Variants in IQANK1 observed in about 807,000 individuals in gnomAD.
IQANK1 encodes the protein IQ motif and ankyrin repeat domain-containing protein 1.
A neutral mutation model predicts 22.6 loss-of-function variants in IQANK1; 30 were observed. The ratio of observed to expected loss-of-function variants is 1.33; its 90% CI spans 0.99 to 1.80. The LOEUF is 1.80. Among genes scored for constraint, IQANK1 ranks in the 40% most tolerant of loss-of-function variants. IQANK1 has a pLI of 0.00. For missense variants in IQANK1, 275 were observed against 235.2 expected (o/e 1.17, Z -1.11); for synonymous variants, 122 against 99.6 (o/e 1.23, Z -1.34).
intron 7 of IQANK1, among the ~76,000 whole-genome samples, chr8:143,775,818 ACAC>A: frequency 6.8e-6 from 1 of 147,888 alleles, no homozygotes; most frequent in Non-Finnish European, 1.5e-5. Flanking sequence ...ACACACACAC[ACAC>A]ACCATTCCTA....
At position 143,751,664 on chromosome 8, in the gene IQANK1, G is replaced by GTGTGTATATATATATATATATATATA. The variant is rs370428606; in HGVS notation, c.175+11717_175+11718insGTGTATATATATATATATATATATAT. On this transcript the variant is annotated intron_variant, in intron 3 of 13. Coordinates refer to ENST00000527139, the MANE Select transcript of IQANK1 (RefSeq NM_001381874.1). ...TGTGTGTGTGTGTGTGTGTGTGTGT[G>GTGTGTATATATATATATATATATATA]TATATATATATATAAAATCCTATAC... Among the ~76,000 whole-genome samples, 34 of 61,544 alleles carry GTGTGTATATATATATATATATATATA rather than the reference G, an allele frequency of 5.5e-4. 2 individuals carry two copies. The highest frequency in any genetic ancestry group is 2.6e-3 in the East Asian group (7 of 2,650). 40.4% of individuals were successfully genotyped at this position (61,544 alleles called of 152,430 possible).
intron 10 of IQANK1, 115 bp downstream of exon 10, chr8:143,789,643 G>C: frequency 8.2e-7 from 1 of 1,214,432 alleles, no homozygotes; most frequent in Non-Finnish European, 1.0e-6. Flanking sequence ...TCAAACATGG[G>C]GAGTCACCAG....
chr8:143,775,818 ACACAC>A (rs147721439), intron 7 of IQANK1, among the ~76,000 whole-genome samples: 2,691 of 147,872 alleles, frequency 0.018, 69 homozygotes, highest in African/African-American at 0.067. Flanking sequence ...ACACACACAC[ACACAC>A]CATTCCTAAA....
intron 3 of IQANK1, among the ~76,000 whole-genome samples, chr8:143,748,667 A>AATATATAAATATATATCATATATATC: frequency 1.0e-5 from 1 of 97,460 alleles, no homozygotes; most frequent in Non-Finnish European, 1.6e-5. Flanking sequence ...ATCATATATA[A>AATATATAAATATATATCATATATATC]ATATATAAAT....
intron 3 of IQANK1, among the ~76,000 whole-genome samples, chr8:143,740,736 C>T (rs1041640493): frequency 1.3e-5 from 2 of 152,312 alleles, no homozygotes; most frequent in South Asian, 2.1e-4. Context: ...CTGTCCTCCC[C>T]AGCCCAGGCC....
chr8:143,777,188 ACATT>A (rs1819703520), intron 7 of IQANK1, among the ~76,000 whole-genome samples: 1 of 152,000 alleles, frequency 6.6e-6, no homozygotes, highest in Non-Finnish European at 1.5e-5. Context: ...ATATGCACAT[ACATT>A]ATCATATATA....
chr8:143,740,188 C>G (rs907073065), intron 3 of IQANK1, among the ~76,000 whole-genome samples: 4 of 152,134 alleles, frequency 2.6e-5, no homozygotes, highest in African/African-American at 9.7e-5. Flanking sequence ...GGTGCTCCAC[C>G]TCCCCGCCGC....
At chr8:143,787,541 CTG>C (rs1819915001) in intron 7 of IQANK1, among the ~76,000 whole-genome samples, 1 of 152,220 alleles carries the variant, frequency 6.6e-6, no homozygotes, top group African/African-American at 2.4e-5. Flanking sequence ...CTCTCGTCTG[CTG>C]TGTCTCCCTC....
At chr8:143,764,451 CA>C (rs33978948) in intron 3 of IQANK1, among the ~76,000 whole-genome samples, 90 of 129,458 alleles carry the variant, frequency 7.0e-4, no homozygotes, top group South Asian at 1.8e-3. Context: ...TCCGTCGCTA[CA>C]AAAAAAAAAA....
At chr8:143,766,737 T>A (rs1250858630) in intron 3 of IQANK1, among the ~76,000 whole-genome samples, 2 of 152,184 alleles carry the variant, frequency 1.3e-5, no homozygotes, top group African/African-American at 4.8e-5. Flanking sequence ...TTTTTTGTGG[T>A]GGTCTCTGAA....
chr8:143,753,491 T>G (rs1454826466), intron 3 of IQANK1, among the ~76,000 whole-genome samples: 1 of 150,430 alleles, frequency 6.6e-6, no homozygotes, highest in Middle Eastern at 3.4e-3. Flanking sequence ...GGAGTCTCGC[T>G]GTCTCAGGCT....
rs2129732150 is a variant in IQANK1 at position 143,735,214 on chromosome 8, G to C, written c.-4-636G>C. Among the ~76,000 whole-genome samples the C allele has an allele frequency of 6.6e-6, 1 of 152,360 alleles. No homozygotes were observed. Among genetic ancestry groups the C allele is most frequent in the African/African-American group, 2.4e-5 (1 of 41,590 alleles). ...GGCAACTGTGCTGCAGCGGGTGAGG[G>C]GCATGGGGCACCGGGGAGGACCCGG... On this transcript the variant is annotated intron_variant, in intron 1 of 13. Coordinates refer to ENST00000527139, the MANE Select transcript of IQANK1 (RefSeq NM_001381874.1). This position sits in a 1 kb window ranked among gnomAD's most constrained non-coding sequence, Gnocchi z 5.2.
At chr8:143,737,487 C>T (rs1818774043) in intron 2 of IQANK1, among the ~76,000 whole-genome samples, 4 of 152,186 alleles carry the variant, frequency 2.6e-5, no homozygotes, top group Admixed American at 2.0e-4. Context: ...CCCTGTGTGG[C>T]GGGCACCGGC....
chr8:143,778,221 T>C, intron 7 of IQANK1, among the ~76,000 whole-genome samples: 1 of 150,976 alleles, frequency 6.6e-6, no homozygotes, highest in Non-Finnish European at 1.5e-5. Context: ...AGATGGATTG[T>C]CATTTTGGAT....
chr8:143,765,627 T>C (rs1554629173), intron 3 of IQANK1, among the ~76,000 whole-genome samples: 4 of 152,266 alleles, frequency 2.6e-5, no homozygotes. Context: ...AACAGGTTTA[T>C]GTGTTGCAAA....
At chr8:143,765,889 T>C (rs184802098) in intron 3 of IQANK1, among the ~76,000 whole-genome samples, 59 of 152,360 alleles carry the variant, frequency 3.9e-4, no homozygotes, top group Middle Eastern at 3.4e-3. Flanking sequence ...ATTTTGGTTT[T>C]AAAAATAACA....
rs370428606 is a variant in IQANK1 at position 143,751,664 on chromosome 8, G to GTGTATATATATATATATA, written c.175+11717_175+11718insGTATATATATATATATAT. On this transcript the variant is annotated intron_variant, in intron 3 of 13. Transcript: ENST00000527139. ...TGTGTGTGTGTGTGTGTGTGTGTGT[G>GTGTATATATATATATATA]TATATATATATATAAAATCCTATAC... Among the ~76,000 whole-genome samples the GTGTATATATATATATATA allele has an allele frequency of 8.4e-4, 52 of 61,550 alleles. 1 individual carries two copies. Among genetic ancestry groups the GTGTATATATATATATATA allele is most frequent in the Middle Eastern group, 9.3e-3 (1 of 108 alleles). 40.4% of individuals were successfully genotyped at this position (61,550 alleles called of 152,430 possible). A position where few individuals can be genotyped will look rare whatever the true frequency, so the allele number is the denominator to read the frequency against.
rs1001434750 is a variant in IQANK1, at chr8:143,777,969, C to T, written c.789+5487C>T. On this transcript the variant is annotated intron_variant, in intron 7 of 13. Coordinates refer to ENST00000527139, the MANE Select transcript of IQANK1 (RefSeq NM_001381874.1). ...CAGCACTTTGGAAGGCCGAGGCGGG[C>T]GGATCACGAGGTCAGAAGATCGAGA... is the stretch of plus-strand genomic sequence containing the variant. 6.6e-5 allele frequency among the ~76,000 whole-genome samples: 10 copies of T among 152,134 alleles called. No individual in the cohort carries two copies. The South Asian group carries it at 8.3e-4, about 13-fold the overall frequency.
Position 143,789,240 on chromosome 8 carries a change from GGAGGT to G in IQANK1, c.993+1_993+5del. ...CCAGGGAGCAGCAGCAGTGTCACAA[GGAGGT>G]GAGTGTGACCTCAGGGAGGAGCCAG... On this transcript the variant is annotated splice_donor_variant and coding_sequence_variant, in exon 9 of 14. Coordinates refer to ENST00000527139, the MANE Select transcript of IQANK1 (RefSeq NM_001381874.1). LOFTEE classifies it high-confidence loss of function. The G allele has an allele frequency of 2.5e-6, 1 of 399,936 alleles. No individual in the cohort carries two copies. The highest frequency in any genetic ancestry group is 2.1e-5 in the African/African-American group (1 of 48,752). The allele number at this position is 399,936 out of a possible 1,614,324, so 24.8% of individuals were successfully genotyped here. A position where few individuals can be genotyped will look rare whatever the true frequency, so the allele number is the denominator to read the frequency against.
Sources: allele counts gnomAD v4.1 joint callset (sites outside exome capture counted in the v4.1 genomes callset), GRCh38; gene constraint gnomAD v4.1.1; non-coding constraint Gnocchi (gnomAD v3.1); transcripts MANE v1.5; gene names NCBI Gene and HGNC (gene_info 2026-07-23, HGNC 2026-07-21).